SHROOM3: variants seen among roughly 807,000 people sequenced by gnomAD.
SHROOM3 encodes shroom family member 3, also known as protein Shroom3.
A neutral mutation model predicts 138.6 loss-of-function variants in SHROOM3; 47 were observed. The observed-to-expected ratio is 0.34, with a 90% CI of 0.27 to 0.43. The LOEUF (loss-of-function observed/expected upper bound fraction) is 0.43. Ranked by LOEUF, SHROOM3 falls within the 20% of genes least tolerant of loss-of-function variation. The pLI, the probability that SHROOM3 is intolerant of heterozygous loss-of-function variation, is 1.00. For missense variants in SHROOM3, 2,491 were observed against 2,596.5 expected (o/e 0.96, Z 0.88); for synonymous variants, 1,062 against 1,063.3 (o/e 1.00, Z 0.02).
At chr4:76,661,942 C>T (rs1375573349) in intron 2 of SHROOM3, among the ~76,000 whole-genome samples, 1 of 152,196 alleles carries the variant, frequency 6.6e-6, no homozygotes, top group East Asian at 1.9e-4. Flanking sequence ...TTCGATTTTC[C>T]ATACCCTTTT....
chr4:76,628,746 A>G (rs572582453), intron 2 of SHROOM3: 16 of 152,350 alleles, frequency 1.1e-4, no homozygotes, highest in African/African-American at 3.6e-4. Flanking sequence ...TAAAAATTAT[A>G]AGTATCAAAG....
rs1721832070 is a variant in SHROOM3 at position 76,756,850 on chromosome 4, C to A, written c.5111C>A (p.Pro1704His). The A allele has an allele frequency of 8.7e-6, 14 of 1,614,020 alleles. No homozygotes were observed. The highest frequency in any genetic ancestry group is 1.3e-5 in the African/African-American group (1 of 74,978). ...TTMDLMEGLF[P>H]RDVNLLKENS... is the part of the protein sequence containing the mutation. ...ATGGACCTGATGGAAGGTTTGTTTC[C>A]CCGAGATGTGAACTTGCTGAAGGAA... The change falls in exon 8 of 11, where the codon CCC (proline) becomes CAC (histidine). Residue 1704 changes from proline (P) to histidine (H), a missense_variant. Pro to His is a moderately conservative substitution (Grantham distance 77). This residue lies in a region of SHROOM3 where 470 missense variants were observed against 595.0 expected (regional missense o/e 0.79). Coordinates refer to ENST00000296043, the MANE Select transcript of SHROOM3 (RefSeq NM_020859.4).
rs1578044343 is a variant in SHROOM3, at chr4:76,780,805, G to A, written c.*1628G>A. ...GACAGCACCTTGGTTTCCCAGGGAT[G>A]TTTTCATTCAGAGGTCCTGTCTCCC... On this transcript the variant is annotated 3_prime_UTR_variant, in exon 11 of 11. Coordinates refer to ENST00000296043, the MANE Select transcript of SHROOM3 (RefSeq NM_020859.4). 2 of 152,342 alleles carry A rather than the reference G, an allele frequency of 1.3e-5. No individual in the cohort carries two copies. The highest frequency in any genetic ancestry group is 1.9e-4 in the East Asian group (1 of 5,188). The allele number at this position is 152,342 out of a possible 1,614,324, so 9.4% of individuals were successfully genotyped here.
rs142788916 is a variant in SHROOM3, at chr4:76,775,816, TACAC to T, written c.5623-2979_5623-2976del. Among the ~76,000 whole-genome samples the T allele has an allele frequency of 3.2e-3, 478 of 149,642 alleles. 2 individuals are homozygous for T. Among genetic ancestry groups the T allele is most frequent in the Non-Finnish European group, 5.6e-3 (374 of 67,262 alleles). ...TATATATACACACATACTATATATA[TACAC>T]ACACACACACACATACATATATACA... On this transcript the variant is annotated intron_variant, in intron 10 of 10. Coordinates refer to ENST00000296043, the MANE Select transcript of SHROOM3 (RefSeq NM_020859.4).
At chr4:76,529,425 T>C (rs1464511813) in intron 1 of SHROOM3, among the ~76,000 whole-genome samples, 1 of 152,072 alleles carries the variant, frequency 6.6e-6, no homozygotes, top group East Asian at 1.9e-4. Flanking sequence ...CACACCGTTC[T>C]CTTGCCTCAG....
At chr4:76,618,273 C>T (rs1734926233) in intron 2 of SHROOM3, among the ~76,000 whole-genome samples, 1 of 152,114 alleles carries the variant, frequency 6.6e-6, no homozygotes, top group Non-Finnish European at 1.5e-5. Context: ...CCATTAAACT[C>T]CAGCCTGGAT....
chr4:76,557,520 T>C (rs1050786821), intron 2 of SHROOM3, among the ~76,000 whole-genome samples: 1 of 152,110 alleles, frequency 6.6e-6, no homozygotes, highest in African/African-American at 2.4e-5. Flanking sequence ...ATAAGATGAA[T>C]AAGTTCTGGG....
intron 2 of SHROOM3, chr4:76,688,692 T>A: frequency 1.0e-6 from 1 of 985,434 alleles, no homozygotes; most frequent in South Asian, 4.7e-5. Context: ...ACTGGACGCC[T>A]ATATCATAAA....
intron 5 of SHROOM3, among the ~76,000 whole-genome samples, chr4:76,745,938 G>A (rs959228751): frequency 9.2e-5 from 14 of 152,150 alleles, no homozygotes; most frequent in South Asian, 2.1e-4. Context: ...CTGAGATAGC[G>A]CCACTTCCCT....
At chr4:76,457,920 C>G (rs1274905487) in intron 1 of SHROOM3, among the ~76,000 whole-genome samples, 1 of 152,052 alleles carries the variant, frequency 6.6e-6, no homozygotes, top group Non-Finnish European at 1.5e-5. Flanking sequence ...CTCGGCCTCC[C>G]AAAGTGCTGG....
chr4:76,751,156 C>T (rs1025157091), intron 6 of SHROOM3, among the ~76,000 whole-genome samples: 10 of 152,140 alleles, frequency 6.6e-5, no homozygotes, highest in Non-Finnish European at 1.2e-4. Context: ...AAAAGTATAA[C>T]ACTCTTTTTT....
At chr4:76,721,208 G>C (rs910483701) in intron 3 of SHROOM3, among the ~76,000 whole-genome samples, 3 of 151,092 alleles carry the variant, frequency 2.0e-5, no homozygotes, top group Admixed American at 6.6e-5. Context: ...CTACTTGGGA[G>C]GCTGAGGCAG....
chr4:76,770,607 G>A lies in SHROOM3; in HGVS notation c.5350-19G>A. 1.2e-6 allele frequency: 2 copies of A among 1,613,256 alleles called. No individual in the cohort carries two copies. Among genetic ancestry groups the A allele is most frequent in the South Asian group, 1.1e-5 (1 of 91,054 alleles). On this transcript the variant is annotated intron_variant, in intron 9 of 10. Transcript: ENST00000296043. ...CACCTCCTGTTGGCTGATCTTTGCG[G>A]TCTTATCTGTCATTTCAGGCTGAGC...
At chr4:76,567,613 G>A (rs996615991) in intron 2 of SHROOM3, among the ~76,000 whole-genome samples, 3 of 152,174 alleles carry the variant, frequency 2.0e-5, no homozygotes, top group African/African-American at 7.2e-5. Flanking sequence ...TCGTGCCACT[G>A]CACTCCAGCC....
intron 1 of SHROOM3, among the ~76,000 whole-genome samples, chr4:76,492,461 C>T (rs1355668107): frequency 6.6e-6 from 1 of 152,122 alleles, no homozygotes; most frequent in African/African-American, 2.4e-5. Flanking sequence ...TTGTCATGTT[C>T]TTCTTTTCGG....
chr4:76,525,718 T>C (rs1579212686), intron 1 of SHROOM3, among the ~76,000 whole-genome samples: 1 of 152,344 alleles, frequency 6.6e-6, no homozygotes, highest in East Asian at 1.9e-4. Flanking sequence ...TTAGAGGCTT[T>C]TAAAAATCAT....
Position 76,435,846 on chromosome 4 carries a change from A to G in SHROOM3, c.-207A>G, listed in dbSNP as rs1730551805. 5.5e-6 allele frequency: 3 copies of G among 541,884 alleles called. No individual in the cohort carries two copies. In the East Asian group the frequency reaches 9.0e-5, roughly 16 times the overall value. The allele number at this position is 541,884 out of a possible 1,614,324, so 33.6% of individuals were successfully genotyped here. On this transcript the variant is annotated 5_prime_UTR_variant, in exon 1 of 11. Coordinates refer to ENST00000296043, the MANE Select transcript of SHROOM3 (RefSeq NM_020859.4). Reference sequence around the variant, plus strand: ...TTCCTGGAGGAGGATTTACATTCAGAAATGTTGAAGTGAAAATTCCTTCTG... The same window carrying G: ...TTCCTGGAGGAGGATTTACATTCAGGAATGTTGAAGTGAAAATTCCTTCTG...
chr4:76,566,530 C>T (rs1295664883), intron 2 of SHROOM3, among the ~76,000 whole-genome samples: 2 of 152,078 alleles, frequency 1.3e-5, no homozygotes, highest in African/African-American at 4.8e-5. Context: ...TGTTAAATAC[C>T]ACCCCCTCCA....
At chr4:76,462,459 C>T (rs921590476) in intron 1 of SHROOM3, among the ~76,000 whole-genome samples, 4 of 151,978 alleles carry the variant, frequency 2.6e-5, no homozygotes, top group South Asian at 2.1e-4. Flanking sequence ...ATAAGATAGA[C>T]GAGCCCAAAC....
Sources: allele counts gnomAD v4.1 joint callset (sites outside exome capture counted in the v4.1 genomes callset), GRCh38; gene constraint gnomAD v4.1.1; regional missense constraint gnomAD v4.1.1; transcripts MANE v1.5; gene names NCBI Gene and HGNC (gene_info 2026-07-23, HGNC 2026-07-21).